The following LMO7 variants were observed in gnomAD, a reference collection of about 807,000 sequenced individuals.
The protein encoded by LMO7 is LIM domain 7, also known as LIM domain only protein 7.
Under a neutral mutation model 206.5 loss-of-function variants are expected in LMO7, and 120 were observed. The observed-to-expected ratio is 0.58, with a 90% CI of 0.50 to 0.68. The LOEUF (loss-of-function observed/expected upper bound fraction) is 0.68, where lower values mean the gene tolerates loss of function less well. LMO7 is among the 30% of genes least tolerant of loss of function. The pLI is 0.00. For missense variants in LMO7, 1,959 were observed against 1,957.9 expected (o/e 1.00, Z -0.01); for synonymous variants, 706 against 681.5 (o/e 1.04, Z -0.56).
chr13:75,791,003 G>A (rs1397428853), intron 4 of LMO7, among the ~76,000 whole-genome samples: 1 of 147,618 alleles, frequency 6.8e-6, no homozygotes, highest in Non-Finnish European at 1.5e-5. Flanking sequence ...TTTGGATGGA[G>A]TCTTGCTCTG....
chr13:75,722,718 T>C (rs2044129136), intron 2 of LMO7, among the ~76,000 whole-genome samples: 1 of 152,176 alleles, frequency 6.6e-6, no homozygotes, highest in South Asian at 2.1e-4. Context: ...TGCACACCCA[T>C]GTTTATAGCA....
rs1395663884 is a variant in LMO7, at chr13:75,855,316, C to A, written c.4718C>A (p.Ala1573Asp). ...SYCNNILGKG[A>D]AMIIESLGLC... ...TGCAATAACATTCTGGGCAAAGGAG[C>A]CGCCATGATCATCGAGTCCCTGGGT... is the stretch of plus-strand genomic sequence containing the variant. The change falls in exon 29 of 31, where the codon GCC (alanine) becomes GAC (aspartate). Residue 1573 changes from alanine (A) to aspartate (D), a missense_variant. Physicochemically the swap from Ala to Asp is moderately radical, Grantham distance 126 (BLOSUM62 -2). Transcript: ENST00000377534. The A allele has an allele frequency of 2.9e-5, 47 of 1,613,812 alleles. No individual in the cohort carries two copies. The highest frequency in any genetic ancestry group is 3.9e-5 in the Non-Finnish European group (46 of 1,179,822).
chr13:75,709,974 T>C lies in LMO7; in HGVS notation c.70-3208T>C, dbSNP rs533768185. Among the ~76,000 whole-genome samples, 5 of 152,320 alleles carry C rather than the reference T, an allele frequency of 3.3e-5. No homozygotes were observed. In the South Asian group the frequency reaches 1.0e-3, roughly 32 times the overall value. On this transcript the variant is annotated intron_variant, in intron 1 of 30. Coordinates refer to ENST00000377534, the MANE Select transcript of LMO7 (RefSeq NM_001306080.2). ...TTAATCCTTCTTGAATTAATTTTTG[T>C]ATAAGGTGTAAGGAAGGGATCCAGT...
At chr13:75,653,476 C>T (rs957007601) in intron 1 of LMO7, among the ~76,000 whole-genome samples, 1 of 152,234 alleles carries the variant, frequency 6.6e-6, no homozygotes. Context: ...AGGTGCCAAA[C>T]CATACAGCAC....
At chr13:75,646,652 C>T (rs1047190344) in intron 1 of LMO7, among the ~76,000 whole-genome samples, 12 of 151,520 alleles carry the variant, frequency 7.9e-5, no homozygotes, top group Non-Finnish European at 1.2e-4. Flanking sequence ...GGCACGATCT[C>T]GGCTCATGGC....
intron 1 of LMO7, among the ~76,000 whole-genome samples, chr13:75,692,126 C>T (rs751567976): frequency 6.6e-6 from 1 of 152,202 alleles, no homozygotes; most frequent in Non-Finnish European, 1.5e-5. Context: ...CAAGCTGATA[C>T]TAAGCCACTT....
chr13:75,751,363 TGTTA>T (rs1226864994), intron 3 of LMO7, among the ~76,000 whole-genome samples: 1 of 151,974 alleles, frequency 6.6e-6, no homozygotes, highest in African/African-American at 2.4e-5. Flanking sequence ...GGTTTCACCA[TGTTA>T]GTTAGGATGG....
At chr13:75,711,698 C>G (rs1164063531) in intron 1 of LMO7, among the ~76,000 whole-genome samples, 1 of 152,222 alleles carries the variant, frequency 6.6e-6, no homozygotes, top group African/African-American at 2.4e-5. Flanking sequence ...TCTTCTGCGT[C>G]GCTCACGCTG....
rs1011789204 is a variant in LMO7, at chr13:75,807,710, A to G, written c.1427A>G (p.Tyr476Cys). 8 of 1,613,978 alleles carry G rather than the reference A, an allele frequency of 5.0e-6. No homozygotes were observed. Among genetic ancestry groups the G allele is most frequent in the African/African-American group, 1.3e-5 (1 of 75,044 alleles). Reference protein sequence around the residue: ...RKTGAFHANPYVLRAFEDFRK... With the variant: ...RKTGAFHANPCVLRAFEDFRK... ...ACTGGGGCTTTCCATGCAAATCCAT[A>G]TGTTCTCCGAGCTTTTGAAGACTTT... is the stretch of plus-strand genomic sequence containing the variant. Residue 476 changes from tyrosine (Y) to cysteine (C), a missense_variant, in exon 10 of 31, where the codon TAT (tyrosine) becomes TGT (cysteine). Transcript: ENST00000377534.
intron 28 of LMO7, chr13:75,854,981 G>T: frequency 3.1e-6 from 1 of 320,170 alleles, no homozygotes; most frequent in Non-Finnish European, 5.9e-6. Context: ...TGTGATCAAA[G>T]GAAGATAGTA....
intron 3 of LMO7, chr13:75,760,431 T>C (rs921418873): frequency 1.8e-6 from 2 of 1,126,094 alleles, no homozygotes; most frequent in African/African-American, 3.2e-5. Flanking sequence ...AGATTCCAGG[T>C]GTGGTATTCC....
rs2061138666 is a variant in LMO7, at chr13:75,858,702, T to A, written c.*759T>A. ...ACGAGTGGGTCGTCTTTTTCTTAGG[T>A]GTATGTGTCTGACCTCAGGCCTTTT... On this transcript the variant is annotated 3_prime_UTR_variant, in exon 31 of 31. Transcript: ENST00000377534. 1 of 152,650 alleles carries A rather than the reference T, an allele frequency of 6.6e-6. No homozygotes were observed. Among genetic ancestry groups the A allele is most frequent in the Non-Finnish European group, 1.5e-5 (1 of 68,038 alleles). The allele number at this position is 152,650 out of a possible 1,614,324, so 9.5% of individuals were successfully genotyped here.
Position 75,760,009 on chromosome 13 carries a change from G to A in LMO7, c.211-923G>A, listed in dbSNP as rs189092623. Among the ~76,000 whole-genome samples, 8 of 151,858 alleles carry A rather than the reference G, an allele frequency of 5.3e-5. No individual in the cohort carries two copies. In the East Asian group the frequency reaches 9.7e-4, roughly 18 times the overall value. ...CTGTAACAGTTAATATGGAGAACCC[G>A]CCTGGGATTGTCACAAGTTCAACCC... is the stretch of plus-strand genomic sequence containing the variant. On this transcript the variant is annotated intron_variant, in intron 3 of 30. Transcript: ENST00000377534.
chr13:75,746,331 A>G (rs989862344), intron 3 of LMO7, among the ~76,000 whole-genome samples: 3 of 152,166 alleles, frequency 2.0e-5, no homozygotes, highest in Non-Finnish European at 4.4e-5. Context: ...CATCATGGAA[A>G]AGATGGTAAA....
chr13:75,722,676 A>G (rs1285303135), intron 2 of LMO7, among the ~76,000 whole-genome samples: 1 of 152,222 alleles, frequency 6.6e-6, no homozygotes, highest in Non-Finnish European at 1.5e-5. Flanking sequence ...TATCTACCAG[A>G]GGAAAATAAG....
intron 1 of LMO7, among the ~76,000 whole-genome samples, chr13:75,672,733 C>G (rs749378765): frequency 6.6e-6 from 1 of 152,054 alleles, no homozygotes; most frequent in Non-Finnish European, 1.5e-5. Context: ...TTCTGTTACC[C>G]CATTCTTGTT....
chr13:75,795,342 TATAATTA>T (rs2053851913), intron 4 of LMO7, 52 bp from the exon 5 acceptor site: 15 of 1,151,704 alleles, frequency 1.3e-5, no homozygotes, highest in Non-Finnish European at 1.9e-5. Context: ...TTTTTCTAGC[TATAATTA>T]ATAATTTAAG....
intron 1 of LMO7, among the ~76,000 whole-genome samples, chr13:75,665,282 C>T (rs1263298632): frequency 1.3e-5 from 2 of 151,906 alleles, no homozygotes; most frequent in African/African-American, 2.4e-5. Flanking sequence ...CAAATCTGCT[C>T]TAATAGTTTA....
intron 11 of LMO7, chr13:75,816,651 G>A (rs1468229830): frequency 8.8e-6 from 1 of 114,218 alleles, no homozygotes; most frequent in African/African-American, 2.6e-5. Context: ...GTGGTAGGGC[G>A]GATCTTATAG....
Sources: allele counts gnomAD v4.1 joint callset (sites outside exome capture counted in the v4.1 genomes callset), GRCh38; gene constraint gnomAD v4.1.1; transcripts MANE v1.5; gene names NCBI Gene and HGNC (gene_info 2026-07-23, HGNC 2026-07-21).